Variants in MCTP1 observed in about 807,000 individuals in gnomAD.
MCTP1 encodes multiple C2 and transmembrane domain containing 1, also known as multiple C2 and transmembrane domain-containing protein 1.
Under a neutral mutation model 120.6 loss-of-function variants are expected in MCTP1, and 69 were observed. The ratio of observed to expected loss-of-function variants is 0.57; its 90% CI spans 0.47 to 0.70. The LOEUF (loss-of-function observed/expected upper bound fraction) is 0.70. MCTP1 is among the 30% of genes least tolerant of loss of function. The probability of loss-of-function intolerance (pLI) is 0.00; values close to 1 mark genes in which losing one functional copy is unlikely to be tolerated. For missense variants in MCTP1, 1,203 were observed against 1,248.8 expected, an observed-to-expected ratio of 0.96 and a Z score of 0.55; for synonymous variants, 529 against 493.1, an observed-to-expected ratio of 1.07 and a Z score of -0.96.
rs1402734741 is a variant in MCTP1 at position 94,800,526 on chromosome 5, A to G, written c.2437-1394T>C. ...ATGGCAGAGAAAATTAAACAGTATG[A>G]AATGGTAGAGAGACTCCTGGCCTCA... On this transcript the variant is annotated intron_variant, in intron 17 of 22. Coordinates refer to ENST00000515393, the MANE Select transcript of MCTP1 (RefSeq NM_024717.7). Among the ~76,000 whole-genome samples, 4 of 152,200 alleles carry G rather than the reference A, an allele frequency of 2.6e-5. No individual in the cohort carries two copies. In the South Asian group the frequency reaches 8.3e-4, roughly 32 times the overall value.
intron 19 of MCTP1, among the ~76,000 whole-genome samples, chr5:94,735,349 G>T (rs772141179): frequency 1.6e-4 from 25 of 152,002 alleles, no homozygotes; most frequent in Non-Finnish European, 2.5e-4. Context: ...TTGAGACAGG[G>T]TCTCAAAATA....
At chr5:94,992,965 AT>A (rs1282409278) in intron 2 of MCTP1, among the ~76,000 whole-genome samples, 2 of 152,212 alleles carry the variant, frequency 1.3e-5, no homozygotes, top group African/African-American at 4.8e-5. Context: ...AAGTTTGAGA[AT>A]TTTTAAACTT....
intron 17 of MCTP1, among the ~76,000 whole-genome samples, chr5:94,846,108 T>G (rs528730093): frequency 7.8e-4 from 11 of 14,164 alleles, no homozygotes; most frequent in African/African-American, 3.6e-3. Flanking sequence ...CTCAAAGAAC[T>G]TAAAACAGAA....
chr5:95,008,002 T>A (rs894538549), intron 2 of MCTP1, among the ~76,000 whole-genome samples: 1 of 152,180 alleles, frequency 6.6e-6, no homozygotes, highest in African/African-American at 2.4e-5. Flanking sequence ...AATGCCTACA[T>A]GACGTAGCCT....
chr5:95,016,681 G>A (rs902882796), intron 2 of MCTP1, among the ~76,000 whole-genome samples: 4 of 152,064 alleles, frequency 2.6e-5, no homozygotes, highest in Admixed American at 6.6e-5. Context: ...CTCCTGCAGC[G>A]CTCATATTCA....
chr5:94,793,187 G>A (rs1303719909), intron 18 of MCTP1, among the ~76,000 whole-genome samples: 2 of 152,186 alleles, frequency 1.3e-5, no homozygotes, highest in Non-Finnish European at 2.9e-5. Flanking sequence ...TCCAAAGCCT[G>A]ATGACGATGG....
intron 2 of MCTP1, among the ~76,000 whole-genome samples, chr5:94,998,391 A>G (rs186465976): frequency 6.6e-6 from 1 of 152,342 alleles, no homozygotes; most frequent in Admixed American, 6.5e-5. Context: ...GGACTCCTGC[A>G]TTGTTAACTA....
chr5:94,711,164 G>T (rs1424573251), intron 20 of MCTP1, among the ~76,000 whole-genome samples: 1 of 152,022 alleles, frequency 6.6e-6, no homozygotes, highest in Non-Finnish European at 1.5e-5. Context: ...GGTGACTTCA[G>T]AGTCTAAAGC....
intron 2 of MCTP1, among the ~76,000 whole-genome samples, chr5:94,966,990 C>T (rs925440455): frequency 6.6e-6 from 1 of 152,206 alleles, no homozygotes; most frequent in Non-Finnish European, 1.5e-5. Flanking sequence ...CGCACTCGCA[C>T]AAAATCTGGC....
chr5:94,894,927 T>C lies in MCTP1; in HGVS notation c.1653-92A>G, dbSNP rs142419906. On this transcript the variant is annotated intron_variant, in intron 10 of 22. Transcript: ENST00000515393. ...CAGAGTTCTATGAAACATAAATCAATAGAAATATTATTTGGACCATTGGAA... is the reference window on the plus strand; with the variant it reads ...CAGAGTTCTATGAAACATAAATCAACAGAAATATTATTTGGACCATTGGAA... 1.2e-3 allele frequency: 915 copies of C among 741,016 alleles called. 1 individual carries two copies. The highest frequency in any genetic ancestry group is 1.6e-3 in the Middle Eastern group (5 of 3,142). The allele number at this position is 741,016 out of a possible 1,614,324, so 45.9% of individuals were successfully genotyped here.
At chr5:95,240,388 C>T (rs180895748) in intron 1 of MCTP1, among the ~76,000 whole-genome samples, 8 of 152,268 alleles carry the variant, frequency 5.3e-5, no homozygotes, top group Admixed American at 4.6e-4. Flanking sequence ...GGTGTTCACA[C>T]GCAAGTTCAG....
At chr5:95,142,850 G>T (rs900641934) in intron 1 of MCTP1, among the ~76,000 whole-genome samples, 1 of 152,100 alleles carries the variant, frequency 6.6e-6, no homozygotes, top group African/African-American at 2.4e-5. Flanking sequence ...AAGAGTAAGG[G>T]TATGGGAGGA....
intron 19 of MCTP1, among the ~76,000 whole-genome samples, chr5:94,742,990 A>G (rs763146813): frequency 1.4e-4 from 22 of 152,186 alleles, no homozygotes; most frequent in African/African-American, 4.1e-4. Flanking sequence ...ATTCTACAAT[A>G]GAGGCATAAG....
intron 1 of MCTP1, among the ~76,000 whole-genome samples, chr5:95,116,614 AAT>A (rs1757843505): frequency 2.6e-5 from 4 of 152,050 alleles, no homozygotes; most frequent in Non-Finnish European, 5.9e-5. Flanking sequence ...AAAATCTATA[AAT>A]TACTTTGGGC....
intron 20 of MCTP1, among the ~76,000 whole-genome samples, chr5:94,711,514 C>T (rs542892558): frequency 9.2e-5 from 14 of 152,184 alleles, no homozygotes; most frequent in African/African-American, 3.4e-4. Flanking sequence ...AAAAATTCAC[C>T]TCTTACTGCC....
rs186705035 is a variant in MCTP1, at chr5:94,960,293, G to A, written c.839-6932C>T. Among the ~76,000 whole-genome samples, 32 of 152,198 alleles carry A rather than the reference G, an allele frequency of 2.1e-4. No homozygotes were observed. The South Asian group carries it at 5.0e-3, about 24-fold the overall frequency. ...CTCAGGATGGATGAAAGATTTAAAC[G>A]TAAGACCTAAAATTATAAAAACCCT... On this transcript the variant is annotated intron_variant, in intron 2 of 22. Transcript: ENST00000515393.
chr5:94,798,272 G>C (rs930706675), intron 18 of MCTP1, among the ~76,000 whole-genome samples: 1 of 152,164 alleles, frequency 6.6e-6, no homozygotes, highest in African/African-American at 2.4e-5. Flanking sequence ...GAAGTTGCTT[G>C]CTAGGGTCAT....
At chr5:94,961,443 T>C (rs1824170277) in intron 2 of MCTP1, among the ~76,000 whole-genome samples, 1 of 151,968 alleles carries the variant, frequency 6.6e-6, no homozygotes, top group Non-Finnish European at 1.5e-5. Context: ...AAATCAGAAT[T>C]GTCCAGTAAG....
At chr5:95,074,186 G>T (rs781237726) in intron 1 of MCTP1, among the ~76,000 whole-genome samples, 2 of 152,246 alleles carry the variant, frequency 1.3e-5, no homozygotes, top group Admixed American at 1.3e-4. Context: ...TCTCTCAGGC[G>T]TAGGCCTGGG....
Sources: gnomAD v4.1 joint callset for allele counts (sites outside exome capture counted in the v4.1 genomes callset) on GRCh38, gnomAD v4.1.1 for gene constraint, MANE v1.5 for transcripts, NCBI Gene and HGNC (gene_info 2026-07-23, HGNC 2026-07-21) for gene names.